Variants in PKIB observed in about 807,000 individuals in gnomAD.
PKIB encodes cAMP-dependent protein kinase inhibitor beta, also known as PKI-beta.
In PKIB, 2 loss-of-function variants were observed where a neutral mutation model predicts 4.5. The ratio of observed to expected loss-of-function variants is 0.44; its 90% CI spans 0.18 to 1.39. The LOEUF (loss-of-function observed/expected upper bound fraction) is 1.39, where lower values mean the gene tolerates loss of function less well. Ranked by LOEUF, PKIB falls within the 40% of genes most tolerant of loss-of-function variation. The pLI is 0.27. For synonymous variants in PKIB, 38 were observed against 36.0 expected (o/e 1.06, Z -0.20); for missense variants, 94 against 92.6 (o/e 1.02, Z -0.06).
chr6:122,685,853 C>G (rs188185201), intron 3 of PKIB, among the ~76,000 whole-genome samples: 124 of 152,264 alleles, frequency 8.1e-4, no homozygotes, highest in African/African-American at 2.9e-3. Flanking sequence ...CTCTCTGTCT[C>G]CGTGAATTCA....
chr6:122,600,918 A>G (rs1774343539), intron 3 of PKIB, among the ~76,000 whole-genome samples: 1 of 152,214 alleles, frequency 6.6e-6, no homozygotes. Flanking sequence ...TATAGTAACT[A>G]TATCTCATAT....
chr6:122,645,401 C>G (rs751693388), intron 2 of PKIB, among the ~76,000 whole-genome samples: 8 of 152,088 alleles, frequency 5.3e-5, no homozygotes, highest in African/African-American at 1.9e-4. Flanking sequence ...TCCAACCGAG[C>G]TAGTAGGCTG....
intron 1 of PKIB, among the ~76,000 whole-genome samples, chr6:122,621,742 C>T (rs902464751): frequency 2.0e-5 from 3 of 152,150 alleles, no homozygotes; most frequent in African/African-American, 7.2e-5. Context: ...AAGTGCTTTG[C>T]CTATTATGTT....
intron 3 of PKIB, among the ~76,000 whole-genome samples, chr6:122,697,143 G>C (rs953565746): frequency 5.0e-4 from 76 of 152,224 alleles, no homozygotes; most frequent in Admixed American, 4.9e-3. Flanking sequence ...GGTGCTCCCA[G>C]TTCTTGTGGA....
At chr6:122,576,011 A>G (rs1428934902) in intron 2 of PKIB, among the ~76,000 whole-genome samples, 2 of 152,242 alleles carry the variant, frequency 1.3e-5, no homozygotes, top group East Asian at 3.8e-4. Flanking sequence ...ACACAATGTC[A>G]TTTATATGAA....
intron 2 of PKIB, among the ~76,000 whole-genome samples, chr6:122,538,429 A>T (rs1777476106): frequency 6.6e-6 from 1 of 152,270 alleles, no homozygotes; most frequent in South Asian, 2.1e-4. Context: ...CATTTATTAA[A>T]TAGGGAATCC....
chr6:122,583,408 A>G (rs1160221434), intron 2 of PKIB, among the ~76,000 whole-genome samples: 1 of 152,098 alleles, frequency 6.6e-6, no homozygotes, highest in Non-Finnish European at 1.5e-5. Context: ...GACATGGGTA[A>G]TATGCCAATA....
intron 3 of PKIB, among the ~76,000 whole-genome samples, chr6:122,589,811 A>C (rs905472287): frequency 8.5e-5 from 13 of 152,192 alleles, no homozygotes; most frequent in African/African-American, 3.1e-4. Context: ...GAAAGAAGAC[A>C]GTTAAGGTAG....
In PKIB at chr6:122,573,579, C is replaced by T. The variant is rs60984488; in HGVS notation, c.-247-12342C>T. The stretch of plus-strand genomic sequence containing the variant: ...AGAAGAAAAAAGAGATAATACATCA[C>T]GATCAAGTGGGTTTTATCTCAGGGA... On this transcript the variant is annotated intron_variant, in intron 2 of 6. Coordinates refer to the PKIB transcript ENST00000392491. 3.3e-3 allele frequency among the ~76,000 whole-genome samples: 494 copies of T among 148,654 alleles called. 5 individuals are homozygous for T. Among genetic ancestry groups the T allele is most frequent in the African/African-American group, 0.012 (474 of 40,604 alleles).
At chr6:122,554,602 G>A (rs1772783173) in intron 2 of PKIB, among the ~76,000 whole-genome samples, 1 of 152,066 alleles carries the variant, frequency 6.6e-6, no homozygotes, top group African/African-American at 2.4e-5. Flanking sequence ...AGCAGTAGTG[G>A]GGCTGTCTAT....
At chr6:122,633,831 TA>T (rs1775792920) in intron 2 of PKIB, among the ~76,000 whole-genome samples, 1 of 152,220 alleles carries the variant, frequency 6.6e-6, no homozygotes, top group Non-Finnish European at 1.5e-5. Flanking sequence ...TACCTACAAT[TA>T]AATATTCTTG....
intron 2 of PKIB, among the ~76,000 whole-genome samples, chr6:122,651,752 C>A (rs747626558): frequency 2.6e-5 from 4 of 152,144 alleles, no homozygotes; most frequent in Admixed American, 6.5e-5. Context: ...TGCTTTTGGG[C>A]AGACACAGAA....
intron 2 of PKIB, among the ~76,000 whole-genome samples, chr6:122,662,320 T>TTTTTTTTTTTTTTTTTTTTTTTTTTTG (rs1777033284): frequency 8.6e-6 from 1 of 116,714 alleles, no homozygotes; most frequent in Non-Finnish European, 1.8e-5. Flanking sequence ...TTTTTTTTTT[T>TTTTTTTTTTTTTTTTTTTTTTTTTTTG]TTTTTTTTTT....
intron 2 of PKIB, among the ~76,000 whole-genome samples, chr6:122,636,828 T>C (rs1352294461): frequency 1.3e-5 from 2 of 152,160 alleles, no homozygotes; most frequent in African/African-American, 4.8e-5. Context: ...GTTACAATTA[T>C]TAAAATTGTG....
intron 3 of PKIB, among the ~76,000 whole-genome samples, chr6:122,682,834 A>G (rs9372708): frequency 0.6 from 91,419 of 152,056 alleles, 29,049 homozygotes; most frequent in Non-Finnish European, 0.71. Context: ...AAGCAAAGAC[A>G]TCACTAGGAT....
intron 2 of PKIB, among the ~76,000 whole-genome samples, chr6:122,499,738 C>T (rs781502325): frequency 1.6e-4 from 25 of 152,196 alleles, no homozygotes; most frequent in African/African-American, 4.3e-4. Flanking sequence ...TGAAATAAAA[C>T]GCATCCAAAT....
intron 2 of PKIB, among the ~76,000 whole-genome samples, chr6:122,500,693 A>T (rs904968236): frequency 6.6e-6 from 1 of 152,162 alleles, no homozygotes; most frequent in African/African-American, 2.4e-5. Context: ...TGCATGAGTT[A>T]TATGTTGTAT....
chr6:122,575,886 C>T (rs1049409412), intron 2 of PKIB, among the ~76,000 whole-genome samples: 7 of 152,126 alleles, frequency 4.6e-5, no homozygotes, highest in African/African-American at 1.7e-4. Context: ...CAAAAACCAC[C>T]TGTACCCCCA....
chr6:122,630,722 A>G (rs980202046), intron 1 of PKIB, among the ~76,000 whole-genome samples: 10 of 152,216 alleles, frequency 6.6e-5, no homozygotes, highest in Non-Finnish European at 1.3e-4. Flanking sequence ...ACCATTTTCA[A>G]TCCATCAGCC....
Sources: allele counts gnomAD v4.1 joint callset (sites outside exome capture counted in the v4.1 genomes callset), GRCh38; gene constraint gnomAD v4.1.1; transcripts MANE v1.5; gene names NCBI Gene and HGNC (gene_info 2026-07-23, HGNC 2026-07-21).